SFXN2: variants seen among roughly 807,000 people sequenced by gnomAD.
SFXN2 encodes the protein sideroflexin 2.
Under a neutral mutation model 41.9 loss-of-function variants are expected in SFXN2, and 37 were observed. That is an observed-to-expected ratio of 0.88 (90% CI 0.68 to 1.16). The LOEUF (loss-of-function observed/expected upper bound fraction) is 1.16. Among genes scored for constraint, SFXN2 ranks in the 50% most tolerant of loss-of-function variants. The pLI is 0.00. For missense variants in SFXN2, 386 were observed against 425.2 expected (o/e 0.91, Z 0.81); for synonymous variants, 150 against 156.7 (o/e 0.96, Z 0.32).
intron 1 of SFXN2, among the ~76,000 whole-genome samples, chr10:102,718,066 G>A (rs1257983695): frequency 6.6e-6 from 1 of 152,184 alleles, no homozygotes; most frequent in Non-Finnish European, 1.5e-5. Context: ...CAGACAGATC[G>A]TTTAGTGTTT....
At chr10:102,730,398 T>C (rs2064683980) in intron 6 of SFXN2, among the ~76,000 whole-genome samples, 1 of 152,230 alleles carries the variant, frequency 6.6e-6, no homozygotes, top group Admixed American at 6.5e-5. Context: ...ACATAAGAGA[T>C]GCTACATAAG....
Position 102,741,844 on chromosome 10 carries a change from C to A in SFXN2, c.*4082C>A, listed in dbSNP as rs1717638602. On this transcript the variant is annotated 3_prime_UTR_variant, in exon 12 of 12. Coordinates refer to ENST00000369893, the MANE Select transcript of SFXN2 (RefSeq NM_178858.6). The stretch of plus-strand genomic sequence containing the variant: ...CAATTTTTACTTCTCCTCTAAGGAG[C>A]TTGACTTGTGGAATGGATAAATTTC... 1 of 152,348 alleles carries A rather than the reference C, an allele frequency of 6.6e-6. No homozygotes were observed. Among genetic ancestry groups the A allele is most frequent in the Admixed American group, 6.5e-5 (1 of 15,306 alleles). 9.4% of individuals were successfully genotyped at this position (152,348 alleles called of 1,614,324 possible).
At position 102,743,177 on chromosome 10, in the gene SFXN2, TG is replaced by T. The variant is rs1456384407; in HGVS notation, c.*5417del. On this transcript the variant is annotated 3_prime_UTR_variant, in exon 12 of 12. Transcript: ENST00000369893. ...TAGTAATATTTGGTTTAATGTGGTA[TG>T]GTTGTAGTGTGTGGCGGAAATTTGA... 3.3e-5 allele frequency: 5 copies of T among 152,288 alleles called. No individual in the cohort carries two copies. Among genetic ancestry groups the T allele is most frequent in the African/African-American group, 1.2e-4 (5 of 41,448 alleles). 9.4% of individuals were successfully genotyped at this position (152,288 alleles called of 1,614,324 possible).
intron 1 of SFXN2, among the ~76,000 whole-genome samples, chr10:102,723,617 G>A (rs528345702): frequency 6.6e-6 from 1 of 152,084 alleles, no homozygotes; most frequent in Non-Finnish European, 1.5e-5. Context: ...TGTAAGATAT[G>A]GGATAGGTGG....
At chr10:102,721,309 G>A (rs2064505608) in intron 1 of SFXN2, among the ~76,000 whole-genome samples, 1 of 151,866 alleles carries the variant, frequency 6.6e-6, no homozygotes, top group African/African-American at 2.4e-5. Context: ...GAGCCCAGGA[G>A]TTTGAGATTA....
At position 102,718,307 on chromosome 10, in the gene SFXN2, G is replaced by C. The variant is rs541192014; in HGVS notation, c.-26+3626G>C. On this transcript the variant is annotated intron_variant, in intron 1 of 11. Transcript: ENST00000369893. ...GCTCTGTGTGTATGTGTGTGCTGAGGGGGAGGCATAGCATTTTGCTCAGTC... is the reference window on the plus strand; with the variant it reads ...GCTCTGTGTGTATGTGTGTGCTGAGCGGGAGGCATAGCATTTTGCTCAGTC... Among the ~76,000 whole-genome samples the C allele has an allele frequency of 8.5e-5, 13 of 152,386 alleles. No individual in the cohort carries two copies. In the South Asian group the frequency reaches 2.7e-3, roughly 32 times the overall value.
At chr10:102,737,558 C>T (rs941156372) in intron 11 of SFXN2, 105 bp from the exon 12 acceptor site, 3 of 739,204 alleles carry the variant, frequency 4.1e-6, no homozygotes, top group South Asian at 1.6e-5. Context: ...CAATAATAAT[C>T]CTAGATGGAA....
rs144246523 is a variant in SFXN2 at position 102,738,571 on chromosome 10, AC to A, written c.*810del. On this transcript the variant is annotated 3_prime_UTR_variant, in exon 12 of 12. Transcript: ENST00000369893. ...CTCAGCCTCTGAAATTGCTGGGATT[AC>A]AGGCATGAGCCACCACACCCAGCCC... 6,961 of 152,274 alleles carry A rather than the reference AC, an allele frequency of 0.046. 191 individuals carry two copies. Among genetic ancestry groups the A allele is most frequent in the South Asian group, 0.092 (444 of 4,824 alleles). The allele number at this position is 152,274 out of a possible 1,614,324, so 9.4% of individuals were successfully genotyped here. A position where few individuals can be genotyped will look rare whatever the true frequency, so the allele number is the denominator to read the frequency against.
Position 102,729,445 on chromosome 10 carries a change from C to T in SFXN2, c.507+51C>T, listed in dbSNP as rs1434318617. On this transcript the variant is annotated intron_variant, in intron 5 of 11. Coordinates refer to ENST00000369893, the MANE Select transcript of SFXN2 (RefSeq NM_178858.6). ...GGTGGCCACGCGGGGGCAGCAGAGT[C>T]CTAGGGAAAACGTCCTTCCCCCAGG... The T allele has an allele frequency of 1.2e-5, 19 of 1,597,466 alleles. No individual in the cohort carries two copies. The Admixed American group carries it at 1.9e-4, about 16-fold the overall frequency.
chr10:102,727,248 A>G, intron 3 of SFXN2, 91 bp downstream of exon 3: 1 of 1,393,840 alleles, frequency 7.2e-7, no homozygotes, highest in Non-Finnish European at 9.8e-7. Flanking sequence ...AGTTCTCTTG[A>G]TTGGTCACTT....
intron 1 of SFXN2, among the ~76,000 whole-genome samples, chr10:102,721,215 C>T (rs930025232): frequency 3.3e-5 from 5 of 151,924 alleles, no homozygotes; most frequent in Admixed American, 1.3e-4. Flanking sequence ...TATTATATTA[C>T]GTCAGCATTA....
At chr10:102,720,555 G>A (rs2064494980) in intron 1 of SFXN2, among the ~76,000 whole-genome samples, 2 of 150,988 alleles carry the variant, frequency 1.3e-5, no homozygotes, top group African/African-American at 4.9e-5. Context: ...CTGGAGTAGT[G>A]AGCCATGATC....
intron 3 of SFXN2, among the ~76,000 whole-genome samples, 157 bp downstream of exon 3, chr10:102,727,314 C>T (rs1174473830): frequency 6.6e-6 from 1 of 152,168 alleles, no homozygotes; most frequent in South Asian, 2.1e-4. Context: ...ATTTAACCCT[C>T]GCAACAACCC....
chr10:102,719,166 G>A (rs1379002543), intron 1 of SFXN2, among the ~76,000 whole-genome samples: 11 of 150,380 alleles, frequency 7.3e-5, no homozygotes, highest in African/African-American at 2.4e-4. Context: ...CTCGTGATCC[G>A]CCCGCCTCAG....
At position 102,737,911 on chromosome 10, in the gene SFXN2, C is replaced by G. The variant is rs752977801; in HGVS notation, c.*149C>G. 50 of 505,556 alleles carry G rather than the reference C, an allele frequency of 9.9e-5. No individual in the cohort carries two copies. Among genetic ancestry groups the G allele is most frequent in the Admixed American group, 2.4e-4 (7 of 28,666 alleles). 31.3% of individuals were successfully genotyped at this position (505,556 alleles called of 1,614,324 possible). ...TGGGACAATGAATGCCTCATACTTA[C>G]ACCCTGGTACTGGTTGATTGGACCT... On this transcript the variant is annotated 3_prime_UTR_variant, in exon 12 of 12. Transcript: ENST00000369893.
rs2064822755 is a variant in SFXN2 at position 102,739,389 on chromosome 10, G to A, written c.*1627G>A. 1 of 152,180 alleles carries A rather than the reference G, an allele frequency of 6.6e-6. No homozygotes were observed. The highest frequency in any genetic ancestry group is 2.4e-5 in the African/African-American group (1 of 41,430). 9.4% of individuals were successfully genotyped at this position (152,180 alleles called of 1,614,324 possible). A position where few individuals can be genotyped will look rare whatever the true frequency, so the allele number is the denominator to read the frequency against. On this transcript the variant is annotated 3_prime_UTR_variant, in exon 12 of 12. Transcript: ENST00000369893. The stretch of plus-strand genomic sequence containing the variant: ...CTCCAGATCTCCCAGAATGGGAGCT[G>A]TGTTGCCCTAGAGCAAGAGTTGGCA...
chr10:102,729,487 G>C, intron 5 of SFXN2, 93 bp downstream of exon 5: 1 of 1,445,376 alleles, frequency 6.9e-7, no homozygotes, highest in South Asian at 1.2e-5. Flanking sequence ...TCCCCAGGCT[G>C]GGTGAGTTGG....
In SFXN2 at chr10:102,729,821, C is replaced by A; in HGVS notation, c.593+13C>A. On this transcript the variant is annotated intron_variant, in intron 6 of 11. Transcript: ENST00000369893. ...TGATGCGACAGCAGTGAGTAAAGGC[C>A]CCTTTTTCTCCCTACAAACCACAAG... 1 of 1,613,246 alleles carries A rather than the reference C, an allele frequency of 6.2e-7. No homozygotes were observed. Among genetic ancestry groups the A allele is most frequent in the South Asian group, 1.1e-5 (1 of 91,056 alleles).
At chr10:102,715,526 C>T (rs2064396933) in intron 1 of SFXN2, among the ~76,000 whole-genome samples, 1 of 152,218 alleles carries the variant, frequency 6.6e-6, no homozygotes, top group African/African-American at 2.4e-5. Flanking sequence ...AGAGTTTACA[C>T]AAACGTGCTA....
Sources: gnomAD v4.1 joint callset for allele counts (sites outside exome capture counted in the v4.1 genomes callset) on GRCh38, gnomAD v4.1.1 for gene constraint, MANE v1.5 for transcripts, NCBI Gene and HGNC (gene_info 2026-07-23, HGNC 2026-07-21) for gene names.